The following CDKL5 variants were observed in gnomAD, a reference collection of about 807,000 sequenced individuals.
CDKL5 encodes the protein cyclin-dependent kinase-like 5.
CDKL5 carries 8 observed loss-of-function variants against 61.7 expected under a neutral mutation model. The ratio of observed to expected loss-of-function variants is 0.13; its 90% CI spans 0.08 to 0.23. CDKL5 has a LOEUF of 0.23. CDKL5 is among the 10% of genes least tolerant of loss of function. The pLI is 1.00. For synonymous variants in CDKL5, 275 were observed against 272.3 expected (o/e 1.01, Z -0.10); for missense variants, 440 against 734.5 (o/e 0.60, Z 4.63).
intron 10 of CDKL5, among the ~76,000 whole-genome samples, chrX:18,596,067 G>C (rs770470811): frequency 3.1e-3 from 346 of 111,430 alleles, no homozygotes; most frequent in Non-Finnish European, 5.4e-3. Flanking sequence ...TATTTCTCCA[G>C]CTTTCACTGC....
At chrX:18,556,788 C>G (rs1924615793) in intron 3 of CDKL5, among the ~76,000 whole-genome samples, 1 of 100,792 alleles carries the variant, frequency 9.9e-6, no homozygotes, top group Non-Finnish European at 2.0e-5. Context: ...AAGACTGAGG[C>G]AGGAGAATCG....
chrX:18,496,635 G>A (rs1158997999), intron 1 of CDKL5, among the ~76,000 whole-genome samples: 1 of 111,521 alleles, frequency 9.0e-6, no homozygotes, highest in Non-Finnish European at 1.9e-5. Flanking sequence ...ATATATTTTG[G>A]GGTAAAATAT....
At chrX:18,642,944 C>T (rs1393666267), downstream of CDKL5, among the ~76,000 whole-genome samples, 3 of 110,808 alleles carry the variant, frequency 2.7e-5, no homozygotes, top group Admixed American at 9.6e-5. Context: ...ACTCTGGAGG[C>T]GGAGGCAGGA....
At position 18,635,202 on chromosome X, in the gene CDKL5, T is replaced by C. The variant is rs1927348562; in HGVS notation, c.*6445T>C. The C allele has an allele frequency of 5.4e-6, 4 of 744,859 alleles. No homozygotes were observed. The highest frequency in any genetic ancestry group is 4.8e-6 in the Non-Finnish European group (3 of 630,853). 61.4% of individuals were successfully genotyped at this position (744,859 alleles called of 1,213,427 possible). A position where few individuals can be genotyped will look rare whatever the true frequency, so the allele number is the denominator to read the frequency against. On this transcript the variant is annotated 3_prime_UTR_variant, in exon 18 of 18. Coordinates refer to ENST00000623535, the MANE Select transcript of CDKL5 (RefSeq NM_001323289.2). Reference sequence around the variant, plus strand: ...TTGTATCATGTGTTGGTACATCTTATCAAGTTTTTTCTGGCATGTAATTCC... The same window carrying C: ...TTGTATCATGTGTTGGTACATCTTACCAAGTTTTTTCTGGCATGTAATTCC...
chrX:18,572,142 A>T (rs1925155621), intron 4 of CDKL5, among the ~76,000 whole-genome samples: 1 of 111,790 alleles, frequency 8.9e-6, no homozygotes, highest in African/African-American at 3.2e-5. Context: ...TTTTTGGGAG[A>T]TGGAGGCATT....
At chrX:18,603,193 G>A (rs944344756) in intron 11 of CDKL5, among the ~76,000 whole-genome samples, 12 of 111,937 alleles carry the variant, frequency 1.1e-4, no homozygotes, top group African/African-American at 3.2e-4. Flanking sequence ...TCTGTAATCC[G>A]GTATAGTACA....
rs909593839 is a variant in CDKL5 at position 18,587,733 on chromosome X, G to A, written c.555-221G>A. ...ATTTATGTGAATAAATTTCAAATTA[G>A]TGTATACTAACTAAATTGTTATTAA... On this transcript the variant is annotated intron_variant, in intron 8 of 17. Transcript: ENST00000623535. 4 of 422,806 alleles carry A rather than the reference G, an allele frequency of 9.5e-6. No homozygotes were observed. In the Admixed American group the frequency reaches 1.6e-4, roughly 17 times the overall value. The allele number at this position is 422,806 out of a possible 1,213,427, so 34.8% of individuals were successfully genotyped here.
intron 21 of CDKL5, chrX:18,650,629 G>A: frequency 8.4e-7 from 1 of 1,193,090 alleles, no homozygotes. Flanking sequence ...GCTCAGCCTG[G>A]GCTGTACCTC....
chrX:18,499,718 T>C (rs1324436669), intron 1 of CDKL5, among the ~76,000 whole-genome samples: 2 of 112,280 alleles, frequency 1.8e-5, no homozygotes, highest in Admixed American at 9.5e-5. Flanking sequence ...AGGCTATTGC[T>C]GATCATTTAT....
At chrX:18,618,216 T>G (rs963227003) in intron 15 of CDKL5, among the ~76,000 whole-genome samples, 15 of 111,867 alleles carry the variant, frequency 1.3e-4, no homozygotes, top group African/African-American at 4.5e-4. Flanking sequence ...ACACCTGTGG[T>G]ATTTTGTGAG....
downstream of CDKL5, among the ~76,000 whole-genome samples, chrX:18,643,478 G>A (rs1427845142): frequency 2.7e-5 from 3 of 112,445 alleles, no homozygotes; most frequent in Non-Finnish European, 5.6e-5. Flanking sequence ...CAAGTGCAGG[G>A]GTGAAGTGCC....
At chrX:18,653,398 C>T (rs1383182319) in intron 21 of CDKL5, 29 of 1,203,892 alleles carry the variant, frequency 2.4e-5, no homozygotes, top group Non-Finnish European at 3.2e-5. Flanking sequence ...CCTGGCAGCT[C>T]TGAGTGACCC....
At chrX:18,621,213 T>G (rs1926878977) in intron 16 of CDKL5, among the ~76,000 whole-genome samples, 1 of 112,208 alleles carries the variant, frequency 8.9e-6, no homozygotes, top group Admixed American at 9.5e-5. Context: ...ATGAAAATTA[T>G]AGAATTATGA....
At chrX:18,622,607 C>A (rs1926920938) in intron 16 of CDKL5, among the ~76,000 whole-genome samples, 1 of 112,405 alleles carries the variant, frequency 8.9e-6, no homozygotes, top group Non-Finnish European at 1.9e-5. Context: ...GAATGAAAAT[C>A]TGATGCCCAG....
chrX:18,561,423 A>T (rs901467467), intron 3 of CDKL5, among the ~76,000 whole-genome samples: 19 of 108,850 alleles, frequency 1.7e-4, no homozygotes, highest in South Asian at 7.9e-4. Flanking sequence ...ACAGTGAAGG[A>T]AACTGAATAT....
intron 21 of CDKL5, among the ~76,000 whole-genome samples, chrX:18,651,082 C>T (rs1928007334): frequency 9.1e-6 from 1 of 110,044 alleles, no homozygotes; most frequent in East Asian, 2.9e-4. Flanking sequence ...TCCATTGCCC[C>T]TCTATCCTAC....
At chrX:18,620,011 T>G (rs1159376064) in intron 16 of CDKL5, 45 bp downstream of exon 16, 4 of 789,073 alleles carry the variant, frequency 5.1e-6, no homozygotes, top group Non-Finnish European at 7.6e-6. Flanking sequence ...TGTTTCTGCA[T>G]TATTCAATGG....
At chrX:18,462,849 C>A (rs963551820) in intron 1 of CDKL5, among the ~76,000 whole-genome samples, 1 of 110,369 alleles carries the variant, frequency 9.1e-6, no homozygotes, top group Non-Finnish European at 1.9e-5. Flanking sequence ...CATGATGAAA[C>A]CCCGTCTCTA....
chrX:18,583,011 T>C (rs1178972989), intron 7 of CDKL5, among the ~76,000 whole-genome samples: 3 of 112,088 alleles, frequency 2.7e-5, no homozygotes, highest in African/African-American at 6.5e-5. Context: ...AAAGGAAATA[T>C]TGAATACTGG....
Sources: allele counts gnomAD v4.1 joint callset (sites outside exome capture counted in the v4.1 genomes callset), GRCh38; gene constraint gnomAD v4.1.1; transcripts MANE v1.5; gene names NCBI Gene and HGNC (gene_info 2026-07-23, HGNC 2026-07-21).